ARHGAP29: variants seen among roughly 807,000 people sequenced by gnomAD.
ARHGAP29 encodes rho GTPase-activating protein 29.
ARHGAP29 carries 43 observed loss-of-function variants against 122.6 expected under a neutral mutation model. The ratio of observed to expected loss-of-function variants is 0.35; its 90% CI spans 0.27 to 0.45. The LOEUF is 0.45. Ranked by LOEUF, ARHGAP29 falls within the 20% of genes least tolerant of loss-of-function variation. The pLI is 1.00. For missense variants in ARHGAP29, 1,303 were observed against 1,477.2 expected (o/e 0.88, Z 1.93); for synonymous variants, 506 against 497.1 (o/e 1.02, Z -0.24).
At chr1:94,231,303 G>T in intron 2 of ARHGAP29, 104 bp downstream of exon 2, 2 of 885,898 alleles carry the variant, frequency 2.3e-6, no homozygotes, top group Non-Finnish European at 1.7e-6. Context: ...AATAACTAAA[G>T]CAGAATACCC....
At chr1:94,189,902 T>C in intron 13 of ARHGAP29, 24 bp downstream of exon 13, 2 of 1,608,238 alleles carry the variant, frequency 1.2e-6, no homozygotes, top group South Asian at 1.1e-5. Flanking sequence ...TTTGAAATAA[T>C]TTTGTCTGTA....
chr1:94,251,321 C>G (rs555568490), intron 1 of ARHGAP29, among the ~76,000 whole-genome samples: 4 of 152,078 alleles, frequency 2.6e-5, no homozygotes, highest in Non-Finnish European at 4.4e-5. Context: ...AGGTGCCCAC[C>G]ACCACGCCCG....
intron 7 of ARHGAP29, among the ~76,000 whole-genome samples, chr1:94,204,714 A>G (rs1021190601): frequency 6.7e-6 from 1 of 149,790 alleles, no homozygotes; most frequent in Non-Finnish European, 1.5e-5. Context: ...TAGCTATTAA[A>G]ATGTTTCTTC....
At chr1:94,241,733 T>A (rs990691562), upstream of ARHGAP29, among the ~76,000 whole-genome samples, 1 of 133,918 alleles carries the variant, frequency 7.5e-6, no homozygotes, top group African/African-American at 2.7e-5. Context: ...ATAATATATA[T>A]TTATATATAT....
chr1:94,247,508 C>A (rs1570601070), intron 1 of ARHGAP29, among the ~76,000 whole-genome samples: 1 of 151,336 alleles, frequency 6.6e-6, no homozygotes, highest in East Asian at 2.0e-4. Context: ...CGCGGGCGAC[C>A]CCAGCCCGGA....
intron 1 of ARHGAP29, among the ~76,000 whole-genome samples, chr1:94,244,187 C>A (rs958874136): frequency 6.6e-6 from 1 of 150,886 alleles, no homozygotes; most frequent in Admixed American, 6.6e-5. Flanking sequence ...GATACCAAAA[C>A]CAGACAAAGA....
At chr1:94,237,252 T>G (rs1653335070) in intron 1 of ARHGAP29, among the ~76,000 whole-genome samples, 163 bp downstream of exon 1, 2 of 152,094 alleles carry the variant, frequency 1.3e-5, no homozygotes, top group Middle Eastern at 3.4e-3. Context: ...CAGTCCTGGC[T>G]CGAGGACACC....
chr1:94,172,957 T>C lies in ARHGAP29; in HGVS notation c.*912A>G, dbSNP rs1438836760. 2 of 152,484 alleles carry C rather than the reference T, an allele frequency of 1.3e-5. No individual in the cohort carries two copies. Among genetic ancestry groups the C allele is most frequent in the African/African-American group, 4.8e-5 (2 of 41,426 alleles). 9.4% of individuals were successfully genotyped at this position (152,484 alleles called of 1,614,324 possible). ...CAGGTAGAACAAGTACATAAAATGA[T>C]TCCTAAGTCAAAACATTTCATACAA... On this transcript the variant is annotated 3_prime_UTR_variant, in exon 23 of 23. Coordinates refer to ENST00000260526, the MANE Select transcript of ARHGAP29 (RefSeq NM_004815.4).
At chr1:94,294,311 A>G in the ARHGAP29 span, among the ~76,000 whole-genome samples, 1 of 151,724 alleles carries the variant, frequency 6.6e-6, no homozygotes, top group Non-Finnish European at 1.5e-5. Context: ...ATAAATATAT[A>G]TATATGTATA....
In ARHGAP29 at chr1:94,174,424, TAG is replaced by T. The variant is rs1446547673; in HGVS notation, c.3229_3230del (p.Leu1077ThrfsTer9). On this transcript the variant is annotated frameshift_variant, in exon 23 of 23. Coordinates refer to ENST00000260526, the MANE Select transcript of ARHGAP29 (RefSeq NM_004815.4). LOFTEE classifies it low-confidence loss of function (END_TRUNC). Reference protein sequence around the residue: ...SKFNGFDQQTLQKIQDKQYEQ... With the variant: ...SKFNGFDQQTXQKIQDKQYEQ... ...CATACTGTTTGTCCTGAATTTTCTG[TAG>T]AGTTTGCTGGTCAAAGCCATTAAAT... 8.7e-6 allele frequency: 14 copies of T among 1,614,100 alleles called. No homozygotes were observed. The highest frequency in any genetic ancestry group is 1.3e-5 in the African/African-American group (1 of 74,930).
At position 94,214,765 on chromosome 1, in the gene ARHGAP29, C is replaced by T. The variant is rs78602005; in HGVS notation, c.341-5415G>A. On this transcript the variant is annotated intron_variant, in intron 3 of 22. Transcript: ENST00000260526. ...AATCCCAATACCAAGTCCTAAGACA[C>T]GTTTAGTATCTCTTCAAGAAATCAC... 3.9e-3 allele frequency among the ~76,000 whole-genome samples: 587 copies of T among 152,232 alleles called. 2 individuals carry two copies. The highest frequency in any genetic ancestry group is 0.013 in the African/African-American group (557 of 41,554).
At chr1:94,313,271 C>T in the ARHGAP29 span, among the ~76,000 whole-genome samples, 4 of 152,212 alleles carry the variant, frequency 2.6e-5, no homozygotes, top group Admixed American at 2.6e-4. Context: ...CTTGCTTCTT[C>T]CTCTCATTAG....
chr1:94,226,311 TAAC>T (rs1279148321), intron 2 of ARHGAP29, among the ~76,000 whole-genome samples: 1 of 151,984 alleles, frequency 6.6e-6, no homozygotes, highest in Admixed American at 6.6e-5. Context: ...ATGAAAATAA[TAAC>T]AACTGACATT....
chr1:94,198,884 A>G (rs2101485470), intron 12 of ARHGAP29, among the ~76,000 whole-genome samples: 1 of 152,378 alleles, frequency 6.6e-6, no homozygotes, highest in South Asian at 2.1e-4. Flanking sequence ...TAAATACTCA[A>G]ACAATTCTAT....
Position 94,177,586 on chromosome 1 carries a change from TA to T in ARHGAP29, c.2905+25del. Reference sequence around the variant, plus strand: ...TGGTAAAATTTTAAGCCAGCAAACATATTTTTTTTTTACATGGCTACTCACC... The same window carrying T: ...TGGTAAAATTTTAAGCCAGCAAACATTTTTTTTTTTACATGGCTACTCACC... On this transcript the variant is annotated intron_variant, in intron 22 of 22. Transcript: ENST00000260526. The T allele has an allele frequency of 1.9e-6, 3 of 1,548,894 alleles. No individual in the cohort carries two copies. In the South Asian group the frequency reaches 3.6e-5, roughly 18 times the overall value.
At chr1:94,268,512 T>G (rs376410969) in intron 1 of ARHGAP29, among the ~76,000 whole-genome samples, 100 of 152,310 alleles carry the variant, frequency 6.6e-4, no homozygotes, top group African/African-American at 2.4e-3. Flanking sequence ...TATTGTTTAT[T>G]GTATGTTTCC....
At chr1:94,189,877 TTAAGTG>T in intron 13 of ARHGAP29, 43 bp downstream of exon 13, 1 of 1,573,072 alleles carries the variant, frequency 6.4e-7, no homozygotes. Flanking sequence ...AACTTAACAA[TTAAGTG>T]TTTTATATTT....
chr1:94,274,878 G>C (rs1398620314), intron 1 of ARHGAP29: 2 of 152,230 alleles, frequency 1.3e-5, no homozygotes, highest in African/African-American at 4.8e-5. Flanking sequence ...ACCAGGGCCT[G>C]CCAATGTCAC....
intron 10 of ARHGAP29, 62 bp downstream of exon 10, chr1:94,202,856 T>A: frequency 6.5e-7 from 1 of 1,549,008 alleles, no homozygotes; most frequent in East Asian, 2.2e-5. Flanking sequence ...AAGGTCAGTA[T>A]ATACTGCAGA....
Sources: allele counts gnomAD v4.1 joint callset (sites outside exome capture counted in the v4.1 genomes callset), GRCh38; gene constraint gnomAD v4.1.1; transcripts MANE v1.5; gene names NCBI Gene and HGNC (gene_info 2026-07-23, HGNC 2026-07-21).